The following CLOCK variants were observed in gnomAD, a reference collection of about 807,000 sequenced individuals.
CLOCK encodes circadian locomoter output cycles protein kaput.
CLOCK carries 43 observed loss-of-function variants against 118.4 expected under a neutral mutation model. The ratio of observed to expected loss-of-function variants is 0.36; its 90% CI spans 0.28 to 0.47. The LOEUF is 0.47. CLOCK is among the 20% of genes least tolerant of loss of function. The probability of loss-of-function intolerance (pLI) is 1.00; values close to 1 mark genes in which losing one functional copy is unlikely to be tolerated. For synonymous variants in CLOCK, 326 were observed against 339.2 expected (o/e 0.96, Z 0.43); for missense variants, 846 against 999.9 (o/e 0.85, Z 2.08).
At chr4:55,483,741 A>T (rs7677526) in intron 3 of CLOCK, among the ~76,000 whole-genome samples, 88,893 of 152,072 alleles carry the variant, frequency 0.58, 27,584 homozygotes, top group South Asian at 0.81. Context: ...ATTTAAAGTT[A>T]TAATTACTAG....
At chr4:55,446,699 C>T (rs1445984025) in intron 18 of CLOCK, among the ~76,000 whole-genome samples, 1 of 152,156 alleles carries the variant, frequency 6.6e-6, no homozygotes, top group Non-Finnish European at 1.5e-5. Flanking sequence ...TTATAATTTA[C>T]CCACATTTGG....
At chr4:55,460,653 C>T (rs555189532) in intron 9 of CLOCK, among the ~76,000 whole-genome samples, 112 of 152,336 alleles carry the variant, frequency 7.4e-4, no homozygotes, top group Admixed American at 1.5e-3. Flanking sequence ...TTCTGCCACT[C>T]TGATTCAGTC....
chr4:55,502,967 C>T (rs1728534692), intron 2 of CLOCK, among the ~76,000 whole-genome samples: 1 of 152,096 alleles, frequency 6.6e-6, no homozygotes, highest in Admixed American at 6.5e-5. Flanking sequence ...ACATATGCTC[C>T]ATAAGAGCTA....
At chr4:55,441,428 T>C (rs971889663) in intron 21 of CLOCK, among the ~76,000 whole-genome samples, 5 of 152,170 alleles carry the variant, frequency 3.3e-5, no homozygotes, top group South Asian at 2.1e-4. Flanking sequence ...GACACCTGCA[T>C]ACATATGGCT....
chr4:55,468,050 T>C (rs979345506), intron 8 of CLOCK, among the ~76,000 whole-genome samples: 1 of 152,102 alleles, frequency 6.6e-6, no homozygotes, highest in Non-Finnish European at 1.5e-5. Context: ...GGGAGAGAAA[T>C]ACCACTTTTC....
At chr4:55,498,972 C>T (rs929348227) in intron 2 of CLOCK, among the ~76,000 whole-genome samples, 1 of 152,190 alleles carries the variant, frequency 6.6e-6, no homozygotes. Context: ...TCCATTGTTA[C>T]TGAGCCCATG....
Position 55,482,326 on chromosome 4 carries a change from G to C in CLOCK, c.47+413C>G, listed in dbSNP as rs1726989468. Among the ~76,000 whole-genome samples, 3 of 152,158 alleles carry C rather than the reference G, an allele frequency of 2.0e-5. No homozygotes were observed. The South Asian group carries it at 6.2e-4, about 32-fold the overall frequency. ...CCTTTTCCCAAGAGTATGATGTAAAGATTACAATTTTAACTAATGAAATCC... is the reference window on the plus strand; with the variant it reads ...CCTTTTCCCAAGAGTATGATGTAAACATTACAATTTTAACTAATGAAATCC... On this transcript the variant is annotated intron_variant, in intron 4 of 22. Transcript: ENST00000513440.
chr4:55,488,463 T>C (rs540301667), intron 3 of CLOCK, among the ~76,000 whole-genome samples: 1 of 152,330 alleles, frequency 6.6e-6, no homozygotes, highest in South Asian at 2.1e-4. Flanking sequence ...CACTTAACTT[T>C]CTTCTGTAAA....
At chr4:55,514,126 T>C (rs1285477506) in intron 1 of CLOCK, among the ~76,000 whole-genome samples, 3 of 152,246 alleles carry the variant, frequency 2.0e-5, no homozygotes, top group African/African-American at 7.2e-5. Context: ...CTGCATTAGC[T>C]AGAACTTCCA....
intron 1 of CLOCK, among the ~76,000 whole-genome samples, chr4:55,528,774 A>G (rs979609249): frequency 6.6e-6 from 1 of 152,224 alleles, no homozygotes; most frequent in African/African-American, 2.4e-5. Context: ...ACAAAAAGTG[A>G]AATACTCTTT....
intron 1 of CLOCK, among the ~76,000 whole-genome samples, chr4:55,533,315 G>C (rs555573305): frequency 1.3e-5 from 2 of 152,164 alleles, no homozygotes; most frequent in Admixed American, 6.5e-5. Context: ...ATAAACGCTC[G>C]CACATGCCAC....
chr4:55,533,679 GA>G (rs1730698735), intron 1 of CLOCK, among the ~76,000 whole-genome samples: 9 of 151,950 alleles, frequency 5.9e-5, no homozygotes, highest in Non-Finnish European at 1.3e-4. Context: ...AAGGCAGGTG[GA>G]TCACCTGAGG....
chr4:55,516,161 A>C (rs1729501056), intron 1 of CLOCK, among the ~76,000 whole-genome samples: 1 of 152,184 alleles, frequency 6.6e-6, no homozygotes, highest in South Asian at 2.1e-4. Flanking sequence ...CTTGAGAAGA[A>C]TGTGTATTGT....
rs548318473 is a variant in CLOCK at position 55,440,986 on chromosome 4, C to CAAA, written c.2105+1445_2105+1446insTTT. On this transcript the variant is annotated intron_variant, in intron 21 of 22. Coordinates refer to ENST00000513440, the MANE Select transcript of CLOCK (RefSeq NM_004898.4). ...CTTACAAAAACAAAACAAAACAAAA[C>CAAA]ACAACACAACAAAAAACTGCTCACT... is the stretch of plus-strand genomic sequence containing the variant. 5.4e-3 allele frequency among the ~76,000 whole-genome samples: 767 copies of CAAA among 142,230 alleles called. 4 individuals carry two copies. The highest frequency in any genetic ancestry group is 0.017 in the African/African-American group (707 of 40,730). The allele number at this position is 142,230 out of a possible 152,430, so 93.3% of individuals were successfully genotyped here.
chr4:55,515,930 A>C (rs1197598727), intron 1 of CLOCK, among the ~76,000 whole-genome samples: 3 of 151,828 alleles, frequency 2.0e-5, no homozygotes, highest in Non-Finnish European at 4.4e-5. Flanking sequence ...GTGTGGCAAA[A>C]AAAGATGAAA....
rs1722749171 is a variant in CLOCK at position 55,434,744 on chromosome 4, T to G, written c.*671A>C. On this transcript the variant is annotated 3_prime_UTR_variant, in exon 23 of 23. Transcript: ENST00000513440. ...AAAGGAAAAACAGGATGGATCAGTT[T>G]GCACATGGTGTCAGAATTTCAGGAA... 1 of 155,094 alleles carries G rather than the reference T, an allele frequency of 6.4e-6. No individual in the cohort carries two copies. The highest frequency in any genetic ancestry group is 1.4e-5 in the Non-Finnish European group (1 of 69,616). 9.6% of individuals were successfully genotyped at this position (155,094 alleles called of 1,614,324 possible). A position where few individuals can be genotyped will look rare whatever the true frequency, so the allele number is the denominator to read the frequency against.
At chr4:55,502,055 T>C (rs1473343250) in intron 2 of CLOCK, among the ~76,000 whole-genome samples, 1 of 152,168 alleles carries the variant, frequency 6.6e-6, no homozygotes, top group African/African-American at 2.4e-5. Flanking sequence ...CAAAACGCCC[T>C]GAGAGAAATT....
chr4:55,512,863 T>G (rs1015682611), intron 1 of CLOCK, among the ~76,000 whole-genome samples: 2 of 152,208 alleles, frequency 1.3e-5, no homozygotes, highest in Non-Finnish European at 2.9e-5. Context: ...ATTAGTTGAC[T>G]ATGCAATCAT....
intron 9 of CLOCK, among the ~76,000 whole-genome samples, chr4:55,462,835 C>CA (rs1725440676): frequency 8.1e-6 from 1 of 122,776 alleles, no homozygotes; most frequent in African/African-American, 2.7e-5. Context: ...GTTATAGATA[C>CA]ACACAGATTT....
Sources: gnomAD v4.1 joint callset for allele counts (sites outside exome capture counted in the v4.1 genomes callset) on GRCh38, gnomAD v4.1.1 for gene constraint, MANE v1.5 for transcripts, NCBI Gene and HGNC (gene_info 2026-07-23, HGNC 2026-07-21) for gene names.